The following IGSF10 variants were observed in gnomAD, a reference collection of about 807,000 sequenced individuals.
The protein encoded by IGSF10 is immunoglobulin superfamily member 10.
IGSF10 carries 126 observed loss-of-function variants against 128.2 expected under a neutral mutation model. The ratio of observed to expected loss-of-function variants is 0.98; its 90% CI spans 0.85 to 1.14. The LOEUF is 1.14. Ranked by LOEUF, IGSF10 falls within the 50% of genes most tolerant of loss-of-function variation. The pLI, the probability that IGSF10 is intolerant of heterozygous loss-of-function variation, is 0.00. For synonymous variants in IGSF10, 1,185 were observed against 1,146.2 expected (o/e 1.03, Z -0.68); for missense variants, 3,295 against 3,149.8 (o/e 1.05, Z -1.10).
chr3:151,533,467 T>C, the IGSF10 span, among the ~76,000 whole-genome samples: 1 of 152,128 alleles, frequency 6.6e-6, no homozygotes, highest in African/African-American at 2.4e-5. Flanking sequence ...TATAGACCAA[T>C]GGAACACAAC....
the IGSF10 span, among the ~76,000 whole-genome samples, chr3:151,588,055 T>C: frequency 6.6e-6 from 1 of 152,186 alleles, no homozygotes; most frequent in East Asian, 1.9e-4. Context: ...CAGAGGACAC[T>C]AAATGAATTA....
the IGSF10 span, among the ~76,000 whole-genome samples, chr3:151,614,831 A>G: frequency 6.6e-6 from 1 of 152,100 alleles, no homozygotes; most frequent in East Asian, 1.9e-4. Flanking sequence ...TAATAATAAA[A>G]TAAAAAAATA....
At chr3:151,571,074 G>C in the IGSF10 span, among the ~76,000 whole-genome samples, 49 of 152,278 alleles carry the variant, frequency 3.2e-4, 1 homozygote, top group East Asian at 8.9e-3. Context: ...TGAGGCCTCT[G>C]TTCTGTTCCA....
chr3:151,533,983 A>G, the IGSF10 span, among the ~76,000 whole-genome samples: 7 of 152,240 alleles, frequency 4.6e-5, no homozygotes, highest in African/African-American at 1.7e-4. Flanking sequence ...AACTCTTTCA[A>G]AAAGTGAGTA....
the IGSF10 span, among the ~76,000 whole-genome samples, chr3:151,557,651 A>G: frequency 6.6e-6 from 1 of 152,006 alleles, no homozygotes; most frequent in African/African-American, 2.4e-5. Flanking sequence ...GCTGGCTTTA[A>G]GGATTCCATT....
At chr3:151,571,364 G>A in the IGSF10 span, among the ~76,000 whole-genome samples, 1 of 152,090 alleles carries the variant, frequency 6.6e-6, no homozygotes, top group Non-Finnish European at 1.5e-5. Context: ...AGCATGGAAT[G>A]TTCTTCCATT....
the IGSF10 span, among the ~76,000 whole-genome samples, chr3:151,509,529 G>C: frequency 6.6e-6 from 1 of 152,240 alleles, no homozygotes; most frequent in Non-Finnish European, 1.5e-5. Context: ...AACAGCTCCA[G>C]TCTACAGCTC....
the IGSF10 span, among the ~76,000 whole-genome samples, chr3:151,537,467 GACA>G: frequency 2.0e-5 from 3 of 152,150 alleles, no homozygotes; most frequent in Non-Finnish European, 4.4e-5. Context: ...TTTAGATGGA[GACA>G]ACATCATTAA....
chr3:151,617,320 C>CTTCTTCTTCTTCTTCTTCTCCT, the IGSF10 span, among the ~76,000 whole-genome samples: 4 of 83,630 alleles, frequency 4.8e-5, no homozygotes, highest in East Asian at 7.5e-4. Context: ...CTTCTTCTTC[C>CTTCTTCTTCTTCTTCTTCTCCT]CCTCCTCCTC....
At chr3:151,443,922 C>A in intron 6 of IGSF10, 38 bp from the exon 7 acceptor site, 1 of 1,477,152 alleles carries the variant, frequency 6.8e-7, no homozygotes, top group Non-Finnish European at 9.1e-7. Flanking sequence ...TACGGGTCAT[C>A]AAAGTTTATT....
the IGSF10 span, among the ~76,000 whole-genome samples, chr3:151,495,537 AAATT>A: frequency 6.6e-6 from 1 of 151,870 alleles, no homozygotes; most frequent in Non-Finnish European, 1.5e-5. Flanking sequence ...AAAGTGAAAA[AAATT>A]AAGAACGACA....
chr3:151,617,335 C>CCCT, the IGSF10 span, among the ~76,000 whole-genome samples: 125 of 78,516 alleles, frequency 1.6e-3, 3 homozygotes, highest in African/African-American at 4.0e-3. Context: ...CTCCTCCTCC[C>CCCT]CCTCCTCCTC....
chr3:151,592,125 G>A, the IGSF10 span, among the ~76,000 whole-genome samples: 4 of 152,150 alleles, frequency 2.6e-5, no homozygotes, highest in Admixed American at 6.5e-5. Context: ...TTTACCAGTT[G>A]TATGACTTTG....
chr3:151,443,566 C>A lies in IGSF10; in HGVS notation c.5381G>T (p.Ser1794Ile). The A allele has an allele frequency of 6.2e-7, 1 of 1,614,244 alleles. No homozygotes were observed. Among genetic ancestry groups the A allele is most frequent in the Non-Finnish European group, 8.5e-7 (1 of 1,180,036 alleles). ...GTCAACCGTCACCACAGCCTGCCTA[C>A]TTCCCTGGGATGATTCTGAGACAAC... is the stretch of plus-strand genomic sequence containing the variant. ...QTVVSESSQG[S>I]RQAVVTVDGT... The change falls in exon 7 of 8, where the codon AGT becomes ATT. Residue 1794 changes from serine to isoleucine, a missense_variant. Transcript: ENST00000282466.
At position 151,445,903 on chromosome 3, in the gene IGSF10, TGTTTGGGTCA is replaced by T. The variant is rs771373851; in HGVS notation, c.4068_4077del (p.Asp1357SerfsTer15). 6.2e-7 allele frequency: 1 copy of T among 1,614,110 alleles called. No individual in the cohort carries two copies. Among genetic ancestry groups the T allele is most frequent in the East Asian group, 2.2e-5 (1 of 44,882 alleles). Reference sequence around the variant, plus strand: ...AAGCCAGAACTCTGGTCTGGAGAGATGTTTGGGTCAGTCCTGTTCTTCTTTTGAGGCTCCT... The same window carrying T: ...AAGCCAGAACTCTGGTCTGGAGAGATGTCCTGTTCTTCTTTTGAGGCTCCT... On this transcript the variant is annotated frameshift_variant, in exon 6 of 8. Transcript: ENST00000282466. LOFTEE classifies it high-confidence loss of function.
downstream of IGSF10, chr3:151,432,679 G>C (rs566945624): frequency 1.0e-5 from 11 of 1,104,480 alleles, no homozygotes; most frequent in African/African-American, 1.5e-4. Context: ...TGAGAGCAGT[G>C]ACAAGAGGGT....
chr3:151,570,486 T>C, the IGSF10 span, among the ~76,000 whole-genome samples: 2 of 152,246 alleles, frequency 1.3e-5, no homozygotes, highest in African/African-American at 4.8e-5. Context: ...TGATGGCCAG[T>C]GATGATGAGC....
the IGSF10 span, among the ~76,000 whole-genome samples, chr3:151,552,923 T>G: frequency 6.6e-6 from 1 of 152,264 alleles, no homozygotes; most frequent in Middle Eastern, 3.4e-3. Context: ...TATTACATAA[T>G]TTTTAAGGAC....
At chr3:151,529,746 T>C in the IGSF10 span, among the ~76,000 whole-genome samples, 4 of 152,104 alleles carry the variant, frequency 2.6e-5, no homozygotes, top group East Asian at 7.7e-4. Context: ...TCCACGAAGA[T>C]GAGGAGAAAC....
Sources: gnomAD v4.1 joint callset for allele counts (sites outside exome capture counted in the v4.1 genomes callset) on GRCh38, gnomAD v4.1.1 for gene constraint, MANE v1.5 for transcripts, NCBI Gene and HGNC (gene_info 2026-07-23, HGNC 2026-07-21) for gene names.